The following ZNF831 variants were observed in gnomAD, a reference collection of about 807,000 sequenced individuals.
ZNF831 encodes the protein chromosome 20 open reading frame 174.
ZNF831 carries 59 observed loss-of-function variants against 95.8 expected under a neutral mutation model. The observed-to-expected ratio is 0.62, with a 90% CI of 0.50 to 0.77. ZNF831 has a LOEUF of 0.77. Among genes scored for constraint, ZNF831 ranks in the 30% least tolerant of loss-of-function variants. The probability of loss-of-function intolerance (pLI) is 0.00; values close to 1 mark genes in which losing one functional copy is unlikely to be tolerated. For synonymous variants in ZNF831, 961 were observed against 925.5 expected (o/e 1.04, Z -0.70); for missense variants, 2,205 against 2,164.0 (o/e 1.02, Z -0.38).
chr20:59,177,298 A>G (rs1423344431), intron 1 of ZNF831, among the ~76,000 whole-genome samples: 1 of 152,232 alleles, frequency 6.6e-6, no homozygotes, highest in Non-Finnish European at 1.5e-5. Flanking sequence ...AGGAAACAAA[A>G]GCCCAGGGAA....
intron 3 of ZNF831, among the ~76,000 whole-genome samples, chr20:59,205,690 T>G (rs1203590691): frequency 1.3e-5 from 2 of 152,126 alleles, no homozygotes; most frequent in East Asian, 3.9e-4. Context: ...AGGAGCACTG[T>G]GGAGTAGAAA....
rs1369867101 is a variant in ZNF831 at position 59,191,139 on chromosome 20, C to A, written c.120C>A (p.Val40=). The change falls in exon 2 of 6, where the codon GTC becomes GTA. Residue 40 remains valine (V), a synonymous_variant. Coordinates refer to ENST00000371030, the MANE Select transcript of ZNF831 (RefSeq NM_178457.3). The stretch of plus-strand genomic sequence containing the variant: ...CACCTCACCTGACCCTGGGCCCTGT[C>A]CTTCTGCCGCCAGAGCAGGGCCTGG... ...QASPHLTLGP[V]LLPPEQGLAP... The A allele has an allele frequency of 1.2e-6, 2 of 1,600,518 alleles. No individual in the cohort carries two copies.
In ZNF831 at chr20:59,218,609, T is replaced by A. The variant is rs562931712; in HGVS notation, c.4027+11553T>A. Among the ~76,000 whole-genome samples the A allele has an allele frequency of 1.6e-4, 24 of 148,576 alleles. 1 individual carries two copies. In the South Asian group the frequency reaches 4.0e-3, roughly 25 times the overall value. Reference sequence around the variant, plus strand: ...TTAGCGTGACTGTTTTTTTTTTTTATATATATAACTGAGTCCCTAAACTCA... The same window carrying A: ...TTAGCGTGACTGTTTTTTTTTTTTAAATATATAACTGAGTCCCTAAACTCA... On this transcript the variant is annotated intron_variant, in intron 4 of 5. Coordinates refer to ENST00000371030, the MANE Select transcript of ZNF831 (RefSeq NM_178457.3).
At position 59,253,837 on chromosome 20, in the gene ZNF831, T is replaced by A. The variant is rs2146759737; in HGVS notation, c.4189-61T>A. The stretch of plus-strand genomic sequence containing the variant: ...ATTGAGGACCACGTTTCTGACCACA[T>A]TTTTCTTTGTACCAATTAACCTCCC... On this transcript the variant is annotated intron_variant, in intron 5 of 5. Coordinates refer to ENST00000371030, the MANE Select transcript of ZNF831 (RefSeq NM_178457.3). 2.0e-6 allele frequency: 3 copies of A among 1,490,776 alleles called. No homozygotes were observed. The Admixed American group carries it at 6.3e-5, about 31-fold the overall frequency. 92.3% of individuals were successfully genotyped at this position (1,490,776 alleles called of 1,614,324 possible).
intron 3 of ZNF831, among the ~76,000 whole-genome samples, chr20:59,204,822 G>A (rs1486283464): frequency 2.6e-5 from 4 of 152,184 alleles, no homozygotes; most frequent in African/African-American, 2.4e-5. Flanking sequence ...TGATGGAGAT[G>A]AGCTTGCAAA....
intron 1 of ZNF831, among the ~76,000 whole-genome samples, chr20:59,175,107 G>A (rs1395426895): frequency 6.6e-6 from 1 of 151,794 alleles, no homozygotes; most frequent in Non-Finnish European, 1.5e-5. Context: ...CATTAGAATT[G>A]TTTTTTCTGT....
intron 1 of ZNF831, among the ~76,000 whole-genome samples, chr20:59,177,478 A>T (rs1479329886): frequency 6.6e-6 from 1 of 152,214 alleles, no homozygotes; most frequent in Non-Finnish European, 1.5e-5. Flanking sequence ...ATTGCAGGAA[A>T]CACTCTTACC....
chr20:59,225,299 G>A (rs964555886), intron 4 of ZNF831, among the ~76,000 whole-genome samples: 1 of 152,054 alleles, frequency 6.6e-6, no homozygotes, highest in African/African-American at 2.4e-5. Flanking sequence ...TCCCAATCTC[G>A]CCTTGGATTT....
At chr20:59,249,892 A>G (rs1266281074) in intron 4 of ZNF831, among the ~76,000 whole-genome samples, 1 of 152,112 alleles carries the variant, frequency 6.6e-6, no homozygotes, top group African/African-American at 2.4e-5. Flanking sequence ...TAAGCTCACA[A>G]GGAGAAACGA....
At chr20:59,248,069 G>A (rs1206027727) in intron 4 of ZNF831, among the ~76,000 whole-genome samples, 1 of 152,192 alleles carries the variant, frequency 6.6e-6, no homozygotes, top group East Asian at 1.9e-4. Context: ...ATGCAGTCTG[G>A]CAATTATTTC....
rs1414540136 is a variant in ZNF831 at position 59,217,114 on chromosome 20, G to A, written c.4027+10058G>A. Among the ~76,000 whole-genome samples the A allele has an allele frequency of 7.2e-5, 11 of 151,726 alleles. No homozygotes were observed. Among genetic ancestry groups the A allele is most frequent in the Admixed American group, 5.9e-4 (9 of 15,244 alleles). ...TACCCCATCCCAATACCATCCTCAG[G>A]TAAAATGACAGTTTGGAGTCTGGAG... On this transcript the variant is annotated intron_variant, in intron 4 of 5. Transcript: ENST00000371030. The surrounding 1 kb of genome is among the most constrained non-coding windows in gnomAD (Gnocchi z 4.4).
At chr20:59,218,595 G>GTTT (rs200006323) in intron 4 of ZNF831, among the ~76,000 whole-genome samples, 2 of 145,214 alleles carry the variant, frequency 1.4e-5, no homozygotes, top group African/African-American at 5.0e-5. Context: ...TAGCGTGACT[G>GTTT]TTTTTTTTTT....
intron 3 of ZNF831, among the ~76,000 whole-genome samples, 158 bp from the exon 4 acceptor site, chr20:59,206,744 TGGG>T (rs141578872): frequency 0.075 from 11,456 of 151,762 alleles, 579 homozygotes; most frequent in Non-Finnish European, 0.11. Context: ...CCTGGGGAGG[TGGG>T]GGATGAGGTA....
At chr20:59,126,784 C>T (rs929927096) in intron 1 of ZNF831, among the ~76,000 whole-genome samples, 3 of 152,324 alleles carry the variant, frequency 2.0e-5, no homozygotes, top group South Asian at 2.1e-4. Context: ...TCTTGCTTGT[C>T]CTCTAGGACA....
At chr20:59,226,589 T>C (rs1986445957) in intron 4 of ZNF831, among the ~76,000 whole-genome samples, 1 of 151,568 alleles carries the variant, frequency 6.6e-6, no homozygotes, top group South Asian at 2.1e-4. Flanking sequence ...CTGAAAATTT[T>C]GGGGCCAACC....
In ZNF831 at chr20:59,217,570, T is replaced by A. The variant is rs1346776717; in HGVS notation, c.4027+10514T>A. On this transcript the variant is annotated intron_variant, in intron 4 of 5. Coordinates refer to ENST00000371030, the MANE Select transcript of ZNF831 (RefSeq NM_178457.3). This position sits in a 1 kb window ranked among gnomAD's most constrained non-coding sequence, Gnocchi z 4.4. Reference sequence around the variant, plus strand: ...ATACCCCTACCAGTAGCATATTAAATACCTCTCTTTTCCTCCAGTTTATAA... The same window carrying A: ...ATACCCCTACCAGTAGCATATTAAAAACCTCTCTTTTCCTCCAGTTTATAA... Among the ~76,000 whole-genome samples the A allele has an allele frequency of 1.3e-5, 2 of 152,236 alleles. No individual in the cohort carries two copies. Among genetic ancestry groups the A allele is most frequent in the African/African-American group, 2.4e-5 (1 of 41,468 alleles).
intron 4 of ZNF831, among the ~76,000 whole-genome samples, chr20:59,232,460 C>G (rs550634559): frequency 3.3e-5 from 5 of 151,998 alleles, no homozygotes; most frequent in African/African-American, 1.2e-4. Flanking sequence ...TAAAGCCTGT[C>G]CATCTGTGAA....
intron 2 of ZNF831, among the ~76,000 whole-genome samples, chr20:59,195,332 G>T (rs1237137267): frequency 1.3e-5 from 2 of 152,246 alleles, no homozygotes; most frequent in Non-Finnish European, 1.5e-5. Context: ...GCACCTGGTT[G>T]TGATGACTGA....
At chr20:59,124,511 T>G (rs1979105494) in intron 1 of ZNF831, among the ~76,000 whole-genome samples, 1 of 152,228 alleles carries the variant, frequency 6.6e-6, no homozygotes, top group African/African-American at 2.4e-5. Flanking sequence ...TGATCTGGCT[T>G]CTGTTGACTC....
Sources: allele counts gnomAD v4.1 joint callset (sites outside exome capture counted in the v4.1 genomes callset), GRCh38; gene constraint gnomAD v4.1.1; non-coding constraint Gnocchi (gnomAD v3.1); transcripts MANE v1.5; gene names NCBI Gene and HGNC (gene_info 2026-07-23, HGNC 2026-07-21).